The following KCNIP4 variants were observed in gnomAD, a reference collection of about 807,000 sequenced individuals.
KCNIP4 encodes the protein Kv channel-interacting protein 4.
KCNIP4 carries 12 observed loss-of-function variants against 34.0 expected under a neutral mutation model. The ratio of observed to expected loss-of-function variants is 0.35; its 90% CI spans 0.23 to 0.57. The LOEUF is 0.57. Among genes scored for constraint, KCNIP4 ranks in the 20% least tolerant of loss-of-function variants. KCNIP4 has a pLI of 0.83. For synonymous variants in KCNIP4, 124 were observed against 102.2 expected (o/e 1.21, Z -1.29); for missense variants, 238 against 311.7 (o/e 0.76, Z 1.78).
chr4:20,936,766 C>G (rs12650301), intron 1 of KCNIP4, among the ~76,000 whole-genome samples: 8,173 of 152,188 alleles, frequency 0.054, 488 homozygotes, highest in African/African-American at 0.16. Flanking sequence ...AATCCCTCAC[C>G]ATGTCCCACA....
chr4:21,403,483 C>T (rs1372359773), intron 1 of KCNIP4, among the ~76,000 whole-genome samples: 1 of 152,164 alleles, frequency 6.6e-6, no homozygotes, highest in Non-Finnish European at 1.5e-5. Flanking sequence ...AAAATACGTG[C>T]CAGATCTTGT....
chr4:21,384,019 A>G (rs531402582), intron 1 of KCNIP4, among the ~76,000 whole-genome samples: 39 of 152,230 alleles, frequency 2.6e-4, no homozygotes, highest in African/African-American at 8.9e-4. Flanking sequence ...GGCTTCTTGC[A>G]GGGCCACAAG....
intron 1 of KCNIP4, among the ~76,000 whole-genome samples, chr4:21,877,305 A>T (rs1170309474): frequency 6.6e-6 from 1 of 152,132 alleles, no homozygotes; most frequent in Non-Finnish European, 1.5e-5. Flanking sequence ...GTGAGCTGAG[A>T]TGGCACCACT....
intron 1 of KCNIP4, among the ~76,000 whole-genome samples, chr4:21,108,295 C>T (rs1370764407): frequency 1.5e-5 from 2 of 135,046 alleles, no homozygotes; most frequent in Admixed American, 7.3e-5. Context: ...AGGCTTTGCT[C>T]GTTTCTTTTT....
intron 1 of KCNIP4, among the ~76,000 whole-genome samples, chr4:21,829,822 T>C (rs549685784): frequency 2.0e-5 from 3 of 152,168 alleles, no homozygotes; most frequent in East Asian, 3.9e-4. Flanking sequence ...AGTTTTTATC[T>C]ATCAATAAGT....
chr4:20,803,082 A>C (rs972331815), intron 3 of KCNIP4, among the ~76,000 whole-genome samples: 48 of 151,170 alleles, frequency 3.2e-4, no homozygotes, highest in African/African-American at 1.1e-3. Flanking sequence ...CTCAAAAAAA[A>C]AAAAAAAAAA....
chr4:20,906,144 CTT>C (rs1446487432), intron 1 of KCNIP4, among the ~76,000 whole-genome samples: 2 of 145,252 alleles, frequency 1.4e-5, no homozygotes, highest in South Asian at 2.3e-4. Flanking sequence ...TTCTCTCTCT[CTT>C]GTCGGGCAGC....
intron 1 of KCNIP4, among the ~76,000 whole-genome samples, chr4:21,042,838 G>C (rs974026501): frequency 6.6e-6 from 1 of 151,962 alleles, no homozygotes; most frequent in Non-Finnish European, 1.5e-5. Flanking sequence ...AGGAAGGTGA[G>C]AATGTGTCTC....
intron 1 of KCNIP4, among the ~76,000 whole-genome samples, chr4:21,068,878 G>A (rs1051211428): frequency 4.6e-5 from 7 of 152,158 alleles, no homozygotes; most frequent in Non-Finnish European, 8.8e-5. Context: ...GTGAATGAAT[G>A]CATGCATGCA....
intron 1 of KCNIP4, among the ~76,000 whole-genome samples, chr4:21,135,078 C>G (rs1018009060): frequency 6.6e-6 from 1 of 152,160 alleles, no homozygotes; most frequent in Admixed American, 6.5e-5. Context: ...TACAATGAAC[C>G]ATTCAAAGAC....
chr4:21,068,394 A>G (rs112243634), intron 1 of KCNIP4, among the ~76,000 whole-genome samples: 4,073 of 152,250 alleles, frequency 0.027, 166 homozygotes, highest in African/African-American at 0.091. Flanking sequence ...TACACTTCCC[A>G]TAATAATGAG....
At chr4:20,809,951 A>G (rs546388588) in intron 3 of KCNIP4, among the ~76,000 whole-genome samples, 6 of 152,290 alleles carry the variant, frequency 3.9e-5, no homozygotes, top group African/African-American at 1.4e-4. Flanking sequence ...CATGCTGTTT[A>G]GGGCAGGTAC....
chr4:20,939,656 G>A (rs1731435058), intron 1 of KCNIP4, among the ~76,000 whole-genome samples: 1 of 152,078 alleles, frequency 6.6e-6, no homozygotes, highest in Non-Finnish European at 1.5e-5. Context: ...ACAGGTATGA[G>A]CCACCACGCC....
intron 1 of KCNIP4, among the ~76,000 whole-genome samples, chr4:21,515,502 C>T (rs193251632): frequency 3.3e-5 from 5 of 151,992 alleles, no homozygotes; most frequent in Non-Finnish European, 7.4e-5. Flanking sequence ...AGCTATGCGT[C>T]GTTGCAGGCG....
At chr4:20,776,301 C>T (rs752380798) in intron 3 of KCNIP4, among the ~76,000 whole-genome samples, 2 of 152,102 alleles carry the variant, frequency 1.3e-5, no homozygotes, top group African/African-American at 4.8e-5. Context: ...TTTCTAGTAT[C>T]TCACAGATAT....
chr4:21,764,827 C>T (rs923186827), intron 1 of KCNIP4, among the ~76,000 whole-genome samples: 3 of 152,086 alleles, frequency 2.0e-5, no homozygotes, highest in Admixed American at 1.3e-4. Flanking sequence ...CTCCTCCAAC[C>T]CCCAGACTAG....
In KCNIP4 at chr4:21,840,935, A is replaced by T. The variant is rs140925718; in HGVS notation, c.61+107636T>A. On this transcript the variant is annotated intron_variant, in intron 1 of 8. Coordinates refer to ENST00000382152, the MANE Select transcript of KCNIP4 (RefSeq NM_025221.6). ...CATGCACCACCAGTTTCTATTGCTG[A>T]CAACCAAATTAAACTAACTTATATC... is the stretch of plus-strand genomic sequence containing the variant. 8.4e-3 allele frequency among the ~76,000 whole-genome samples: 1,284 copies of T among 152,322 alleles called. 14 individuals are homozygous for T. Among genetic ancestry groups the T allele is most frequent in the South Asian group, 0.028 (136 of 4,830 alleles).
intron 1 of KCNIP4, among the ~76,000 whole-genome samples, chr4:21,756,340 G>A (rs1325389086): frequency 6.6e-6 from 1 of 152,102 alleles, no homozygotes; most frequent in Admixed American, 6.5e-5. Context: ...CAGGTCACGA[G>A]GTCATGAGAC....
chr4:21,653,502 T>C (rs1026735699), intron 1 of KCNIP4, among the ~76,000 whole-genome samples: 2 of 152,236 alleles, frequency 1.3e-5, no homozygotes, highest in African/African-American at 4.8e-5. Flanking sequence ...ATCGTGGGTA[T>C]ACAAACACAT....
Sources: gnomAD v4.1 joint callset for allele counts (sites outside exome capture counted in the v4.1 genomes callset) on GRCh38, gnomAD v4.1.1 for gene constraint, MANE v1.5 for transcripts, NCBI Gene and HGNC (gene_info 2026-07-23, HGNC 2026-07-21) for gene names.